Variants in CROCC observed in about 807,000 individuals in gnomAD.
CROCC encodes ciliary rootlet coiled-coil, rootletin.
A neutral mutation model predicts 245.2 loss-of-function variants in CROCC; 180 were observed. That is an observed-to-expected ratio of 0.73 (90% CI 0.65 to 0.83). The LOEUF is 0.83. CROCC is among the 40% of genes least tolerant of loss of function. The pLI, the probability that CROCC is intolerant of heterozygous loss-of-function variation, is 0.00. For synonymous variants in CROCC, 1,205 were observed against 1,241.6 expected (o/e 0.97, Z 0.62); for missense variants, 2,688 against 2,779.4 (o/e 0.97, Z 0.74).
At chr1:16,916,183 C>CAAAAAAAAAAAAAAAAAAAAAAAAAA (rs58710425) in intron 1 of CROCC, among the ~76,000 whole-genome samples, 19 of 107,826 alleles carry the variant, frequency 1.8e-4, no homozygotes, top group East Asian at 1.1e-3. Context: ...GACTCTGCCT[C>CAAAAAAAAAAAAAAAAAAAAAAAAAA]AAAAAAAAAG....
Position 16,966,632 on chromosome 1 carries a change from A to G in CROCC, c.4860+61A>G, listed in dbSNP as rs953492409. 2.8e-6 allele frequency: 4 copies of G among 1,421,012 alleles called. No individual in the cohort carries two copies. In the African/African-American group the frequency reaches 4.4e-5, roughly 15 times the overall value. 88.0% of individuals were successfully genotyped at this position (1,421,012 alleles called of 1,614,324 possible). On this transcript the variant is annotated intron_variant, in intron 30 of 36. Transcript: ENST00000375541. The surrounding 1 kb of genome is among the most constrained non-coding windows in gnomAD (Gnocchi z 4.8). ...AATCTGTGTACCCGAGTGAGTGTCT[A>G]ACTCTTATGTGTGTCTCCCTGTGTC...
Position 16,969,311 on chromosome 1 carries a change from G to A in CROCC, c.5272G>A (p.Ala1758Thr), listed in dbSNP as rs200099200. 24 of 1,611,936 alleles carry A rather than the reference G, an allele frequency of 1.5e-5. No individual in the cohort carries two copies. The highest frequency in any genetic ancestry group is 2.2e-5 in the East Asian group (1 of 44,886). Residue 1758 changes from alanine (A) to threonine (T), a missense_variant, in exon 32 of 37, where the codon GCC becomes ACC. Physicochemically the swap from Ala to Thr is moderately conservative, Grantham distance 58. Transcript: ENST00000375541. ...KNLHLQKALT[A>T]CEHDRQVLQE... Reference sequence around the variant, plus strand: ...CCTGCATCTGCAGAAGGCTCTGACCGCCTGTGAACATGACCGCCAAGTACT... The same window carrying A: ...CCTGCATCTGCAGAAGGCTCTGACCACCTGTGAACATGACCGCCAAGTACT...
chr1:16,960,626 T>A, intron 26 of CROCC, 132 bp from the exon 27 acceptor site: 2 of 1,210,724 alleles, frequency 1.7e-6, no homozygotes, highest in Non-Finnish European at 2.1e-6. Flanking sequence ...CCTGCTTGAG[T>A]GGCGAGCACT....
intron 31 of CROCC, among the ~76,000 whole-genome samples, chr1:16,968,860 G>C (rs533258514): frequency 2.6e-5 from 4 of 152,336 alleles, no homozygotes; most frequent in South Asian, 2.1e-4. Context: ...TGAGGACAGG[G>C]AGGAGACCAG....
At chr1:16,931,036 C>A (rs1387570927) in intron 7 of CROCC, among the ~76,000 whole-genome samples, 2 of 152,272 alleles carry the variant, frequency 1.3e-5, no homozygotes, top group African/African-American at 4.8e-5. Context: ...AAGCTAGGTC[C>A]CTTGCATTTT....
rs748162046 is a variant in CROCC, at chr1:16,936,752, G to A, written c.1072G>A (p.Glu358Lys). 14 of 1,610,906 alleles carry A rather than the reference G, an allele frequency of 8.7e-6. No individual in the cohort carries two copies. The highest frequency in any genetic ancestry group is 1.3e-5 in the African/African-American group (1 of 74,930). ...LAESRAEAAL[E>K]KQALLQAQLE... is the part of the protein sequence containing the mutation. ...AGAGAGCCGGGCCGAGGCAGCCCTG[G>A]AGAAACAGGCCCTGCTGCAGGCCCA... The change falls in exon 9 of 37, where the codon GAG becomes AAG. Residue 358 changes from glutamate to lysine, a missense_variant. Physicochemically the swap from Glu to Lys is moderately conservative, Grantham distance 56. Around this residue, in one of 9 missense-constraint regions of CROCC, gnomAD observed 972 missense variants for 895.3 expected, o/e 1.09. Coordinates refer to ENST00000375541, the MANE Select transcript of CROCC (RefSeq NM_014675.5).
In CROCC at chr1:16,966,375, G is replaced by T; in HGVS notation, c.4697-33G>T. ...TGGTTTGGGTCTCGGGGCTGTGCTTGGCCATGCCTGACGGGGTGGGTGGTG... is the reference window on the plus strand; with the variant it reads ...TGGTTTGGGTCTCGGGGCTGTGCTTTGCCATGCCTGACGGGGTGGGTGGTG... On this transcript the variant is annotated intron_variant, in intron 29 of 36. Coordinates refer to ENST00000375541, the MANE Select transcript of CROCC (RefSeq NM_014675.5). The surrounding 1 kb of genome is among the most constrained non-coding windows in gnomAD (Gnocchi z 4.8). The T allele has an allele frequency of 6.7e-7, 1 of 1,498,020 alleles. No homozygotes were observed. Among genetic ancestry groups the T allele is most frequent in the Non-Finnish European group, 8.9e-7 (1 of 1,123,416 alleles). The allele number at this position is 1,498,020 out of a possible 1,614,324, so 92.8% of individuals were successfully genotyped here.
intron 2 of CROCC, among the ~76,000 whole-genome samples, chr1:16,923,713 C>T (rs2100322865): frequency 7.8e-6 from 1 of 128,518 alleles, no homozygotes; most frequent in East Asian, 2.4e-4. Context: ...CAGAGTCTCG[C>T]TGTGTTGCCC....
intron 16 of CROCC, 125 bp downstream of exon 16, chr1:16,946,530 C>G: frequency 7.2e-7 from 1 of 1,385,818 alleles, no homozygotes; most frequent in Non-Finnish European, 9.9e-7. Context: ...GGTTCTCTGT[C>G]TGTCTCTGGT....
intron 18 of CROCC, 71 bp downstream of exon 18, chr1:16,948,595 C>A: frequency 3.4e-6 from 5 of 1,473,002 alleles, no homozygotes; most frequent in African/African-American, 1.4e-5. Context: ...CAGCCACACG[C>A]AGGCACGGGC....
Position 16,972,598 on chromosome 1 carries a change from C to T in CROCC, c.*152C>T. On this transcript the variant is annotated 3_prime_UTR_variant, in exon 37 of 37. Coordinates refer to ENST00000375541, the MANE Select transcript of CROCC (RefSeq NM_014675.5). ...CTGCTGGCAGTGCTGAGGACGGGTA[C>T]TCCAGCTCCAGGCCTGGAGAGGCTT... 1.8e-6 allele frequency: 1 copy of T among 559,780 alleles called. No individual in the cohort carries two copies. The allele number at this position is 559,780 out of a possible 1,614,324, so 34.7% of individuals were successfully genotyped here.
intron 20 of CROCC, among the ~76,000 whole-genome samples, chr1:16,952,837 C>A (rs955770781): frequency 1.3e-5 from 2 of 152,216 alleles, no homozygotes; most frequent in Admixed American, 1.3e-4. Context: ...AGCTAAAAAT[C>A]AGATTGCTCC....
At chr1:16,951,183 C>T in intron 20 of CROCC, 61 bp downstream of exon 20, 1 of 1,375,528 alleles carries the variant, frequency 7.3e-7, no homozygotes, top group East Asian at 2.8e-5. Flanking sequence ...ATCGTTCTTG[C>T]TCTGCCTCGG....
intron 27 of CROCC, among the ~76,000 whole-genome samples, chr1:16,964,065 T>C (rs1557638845): frequency 1.3e-5 from 2 of 151,870 alleles, no homozygotes; most frequent in African/African-American, 4.8e-5. Context: ...CCCACCAGAG[T>C]GCTGGGATTA....
rs570681947 is a variant in CROCC, at chr1:16,966,100, G to A, written c.4677G>A (p.Ala1559=). 8.6e-5 allele frequency: 138 copies of A among 1,612,896 alleles called. No homozygotes were observed. The South Asian group carries it at 1.4e-3, about 16-fold the overall frequency. Reference sequence around the variant, plus strand: ...CGAGGGCCAGGCAGCTGCAGAAGGCGGTGGCTGAGAGTGAGGAAGGTGAGT... The same window carrying A: ...CGAGGGCCAGGCAGCTGCAGAAGGCAGTGGCTGAGAGTGAGGAAGGTGAGT... ...ATSRARQLQK[A]VAESEEARRS... is the part of the protein sequence containing the mutation. Residue 1559 remains alanine, a synonymous_variant, in exon 29 of 37, where the codon GCG becomes GCA. Transcript: ENST00000375541. The surrounding 1 kb of genome is among the most constrained non-coding windows in gnomAD (Gnocchi z 4.8).
chr1:16,918,741 T>TTC (rs1557565536), upstream of CROCC, among the ~76,000 whole-genome samples: 1 of 148,218 alleles, frequency 6.7e-6, no homozygotes, highest in Non-Finnish European at 1.5e-5. Context: ...GTTTTTTGTT[T>TTC]TTGTTTTTTT....
At position 16,956,030 on chromosome 1, in the gene CROCC, G is replaced by A. The variant is rs1454977994; in HGVS notation, c.3738G>A (p.Lys1246=). 1.3e-6 allele frequency: 2 copies of A among 1,551,032 alleles called. No individual in the cohort carries two copies. Among genetic ancestry groups the A allele is most frequent in the South Asian group, 1.2e-5 (1 of 84,052 alleles). Residue 1246 remains lysine (K), a synonymous_variant, in exon 25 of 37, where the codon AAG becomes AAA. Transcript: ENST00000375541. ...LKLANEDKEQ[K]LALLEEARTA... ...TTGCCAATGAGGACAAGGAGCAGAA[G>A]CTGGCACTCCTAGAGGAGGCACGGA...
Position 16,937,697 on chromosome 1 carries a change from A to G in CROCC, c.1250A>G (p.Asp417Gly). ...CTTGAGAAGCAGAATCTGGAGAAGG[A>G]TCAGGTCAACAAGGACCTCACTGAG... ...KRLEKQNLEK[D>G]QVNKDLTEKL... The change falls in exon 10 of 37, where the codon GAT becomes GGT. Residue 417 changes from aspartate to glycine, a missense_variant. Around this residue, in one of 9 missense-constraint regions of CROCC, gnomAD observed 972 missense variants for 895.3 expected, o/e 1.09. Transcript: ENST00000375541. 2.5e-6 allele frequency: 4 copies of G among 1,611,526 alleles called. No homozygotes were observed. The highest frequency in any genetic ancestry group is 3.4e-6 in the Non-Finnish European group (4 of 1,179,562).
chr1:16,935,400 C>T (rs2075766207), intron 8 of CROCC, among the ~76,000 whole-genome samples: 1 of 152,176 alleles, frequency 6.6e-6, no homozygotes, highest in Non-Finnish European at 1.5e-5. Context: ...CCAGGAAGAA[C>T]TTCTCCACTG....
Sources: gnomAD v4.1 joint callset for allele counts (sites outside exome capture counted in the v4.1 genomes callset) on GRCh38, gnomAD v4.1.1 for gene constraint, gnomAD v4.1.1 regional missense constraint, Gnocchi (gnomAD v3.1) non-coding constraint, MANE v1.5 for transcripts, NCBI Gene and HGNC (gene_info 2026-07-23, HGNC 2026-07-21) for gene names.